EEA1: variants seen among roughly 807,000 people sequenced by gnomAD.
The protein encoded by EEA1 is early endosome antigen 1.
Under a neutral mutation model 209.2 loss-of-function variants are expected in EEA1, and 111 were observed. The ratio of observed to expected loss-of-function variants is 0.53; its 90% CI spans 0.45 to 0.62. The LOEUF is 0.62. EEA1 is among the 20% of genes least tolerant of loss of function. The pLI is 0.00. For missense variants in EEA1, 1,343 were observed against 1,530.8 expected (o/e 0.88, Z 2.05); for synonymous variants, 536 against 540.6 (o/e 0.99, Z 0.12).
chr12:92,904,110 GCA>G (rs1880268743), intron 1 of EEA1, among the ~76,000 whole-genome samples: 1 of 151,890 alleles, frequency 6.6e-6, no homozygotes, highest in Non-Finnish European at 1.5e-5. Context: ...TTACAGGCAT[GCA>G]CCACCACCCC....
intron 1 of EEA1, among the ~76,000 whole-genome samples, chr12:92,911,847 G>T (rs773148638): frequency 1.4e-4 from 22 of 152,158 alleles, no homozygotes; most frequent in Non-Finnish European, 1.2e-4. Flanking sequence ...TCTCAAGAAA[G>T]AGAAAATCAA....
chr12:92,921,866 C>CAAAAAAAAAAAA (rs756583756), intron 1 of EEA1, among the ~76,000 whole-genome samples: 15 of 83,432 alleles, frequency 1.8e-4, no homozygotes, highest in African/African-American at 2.9e-4. Flanking sequence ...GACTCTGTCT[C>CAAAAAAAAAAAA]AAAAAAAAAA....
chr12:92,778,307 A>G, intron 25 of EEA1, 128 bp from the exon 26 acceptor site: 2 of 690,398 alleles, frequency 2.9e-6, no homozygotes, highest in Non-Finnish European at 4.8e-6. Flanking sequence ...AACATATTTC[A>G]TTACACATTA....
At chr12:92,830,144 T>C (rs1480370482) in intron 11 of EEA1, among the ~76,000 whole-genome samples, 1 of 152,152 alleles carries the variant, frequency 6.6e-6, no homozygotes, top group Non-Finnish European at 1.5e-5. Context: ...TTTTACCCCC[T>C]AAATATATTT....
chr12:92,822,608 T>G (rs1266796020), intron 13 of EEA1, among the ~76,000 whole-genome samples: 10 of 152,140 alleles, frequency 6.6e-5, no homozygotes. Context: ...TCATTCTCAC[T>G]CTTCCTTGGG....
intron 21 of EEA1, among the ~76,000 whole-genome samples, chr12:92,790,653 TAC>T (rs1190807883): frequency 1.3e-5 from 2 of 152,244 alleles, no homozygotes; most frequent in Non-Finnish European, 2.9e-5. Flanking sequence ...TTGATTGGTG[TAC>T]CTGAAGGTGA....
At chr12:92,816,114 G>A (rs1297396801) in intron 15 of EEA1, 86 bp downstream of exon 15, 11 of 1,211,204 alleles carry the variant, frequency 9.1e-6, no homozygotes, top group Non-Finnish European at 1.3e-5. Context: ...CAATTAATAT[G>A]CAAGGTAAAA....
Position 92,819,578 on chromosome 12 carries a change from A to T in EEA1, c.1525-67T>A, listed in dbSNP as rs951687109. 2.6e-5 allele frequency: 29 copies of T among 1,105,636 alleles called. No individual in the cohort carries two copies. The African/African-American group carries it at 4.3e-4, about 16-fold the overall frequency. The allele number at this position is 1,105,636 out of a possible 1,614,324, so 68.5% of individuals were successfully genotyped here. ...TAAAAAGTTATTCCTCAAACATAAA[A>T]TGACTAATAATAAATTCTATCACTC... On this transcript the variant is annotated intron_variant, in intron 13 of 28. Coordinates refer to ENST00000322349, the MANE Select transcript of EEA1 (RefSeq NM_003566.4).
chr12:92,929,155 T>C lies in EEA1; in HGVS notation c.-89A>G. The C allele has an allele frequency of 8.5e-7, 1 of 1,182,878 alleles. No individual in the cohort carries two copies. Among genetic ancestry groups the C allele is most frequent in the Non-Finnish European group, 1.2e-6 (1 of 851,522 alleles). 73.3% of individuals were successfully genotyped at this position (1,182,878 alleles called of 1,614,324 possible). ...CTCGGGGTGCGCGGGCGGGAGGGAC[T>C]GGGCCGGGAGGGGACCGGGAAGGAG... On this transcript the variant is annotated 5_prime_UTR_variant, in exon 1 of 29. Coordinates refer to ENST00000322349, the MANE Select transcript of EEA1 (RefSeq NM_003566.4).
intron 10 of EEA1, among the ~76,000 whole-genome samples, chr12:92,834,546 T>TTAA (rs1393207376): frequency 2.7e-5 from 2 of 74,424 alleles, no homozygotes; most frequent in East Asian, 4.3e-4. Context: ...ACCCTGTCAC[T>TTAA]AAAAAAAAAA....
At chr12:92,843,968 T>C (rs146043945) in intron 9 of EEA1, among the ~76,000 whole-genome samples, 1 of 152,286 alleles carries the variant, frequency 6.6e-6, no homozygotes, top group East Asian at 1.9e-4. Flanking sequence ...ACTTATTTTT[T>C]TAAGGGATTC....
chr12:92,781,032 TC>T (rs1286375727), intron 23 of EEA1, among the ~76,000 whole-genome samples: 1 of 152,168 alleles, frequency 6.6e-6, no homozygotes, highest in African/African-American at 2.4e-5. Context: ...CACCTCGGTC[TC>T]CCGAGTAGGT....
chr12:92,902,128 A>G (rs1170057461), intron 1 of EEA1, among the ~76,000 whole-genome samples: 1 of 152,162 alleles, frequency 6.6e-6, no homozygotes, highest in Non-Finnish European at 1.5e-5. Context: ...CAGGAAGTCA[A>G]CGCTGCAGTG....
In EEA1 at chr12:92,819,483, A is replaced by G; in HGVS notation, c.1553T>C (p.Ile518Thr). The G allele has an allele frequency of 1.9e-6, 3 of 1,606,988 alleles. No individual in the cohort carries two copies. Among genetic ancestry groups the G allele is most frequent in the Non-Finnish European group, 2.5e-6 (3 of 1,177,396 alleles). ...CTGGATCTTTTGGTCCTTATCGCCA[A>G]TTTGACGTAGAACTTGTTCCAAATC... ...QNDLEQVLRQIGDKDQKIQNL... is the reference protein window; with the variant it reads ...QNDLEQVLRQTGDKDQKIQNL... The change falls in exon 14 of 29, where the codon ATT (isoleucine) becomes ACT (threonine). Residue 518 changes from isoleucine to threonine, a missense_variant. Ile to Thr is a moderately conservative substitution (Grantham distance 89). Around this residue, in one of 3 missense-constraint regions of EEA1, gnomAD observed 1,307 missense variants for 1,465.5 expected, o/e 0.89. Coordinates refer to ENST00000322349, the MANE Select transcript of EEA1 (RefSeq NM_003566.4).
At chr12:92,852,358 A>G (rs1228237075) in intron 7 of EEA1, 62 bp from the exon 8 acceptor site, 1 of 1,209,120 alleles carries the variant, frequency 8.3e-7, no homozygotes, top group South Asian at 1.7e-5. Context: ...AAGTTTCCAT[A>G]TATTACTCTG....
chr12:92,872,452 G>C (rs1177173584), intron 2 of EEA1, among the ~76,000 whole-genome samples: 1 of 152,190 alleles, frequency 6.6e-6, no homozygotes, highest in Non-Finnish European at 1.5e-5. Flanking sequence ...GTAATTTTTA[G>C]TCTTTACTAT....
At chr12:92,841,185 G>A (rs2136700628) in intron 10 of EEA1, among the ~76,000 whole-genome samples, 1 of 152,196 alleles carries the variant, frequency 6.6e-6, no homozygotes, top group South Asian at 2.1e-4. Flanking sequence ...AATAATTTCT[G>A]ACAAGGGTGC....
intron 21 of EEA1, among the ~76,000 whole-genome samples, chr12:92,795,253 T>C (rs1390533697): frequency 6.6e-6 from 1 of 152,222 alleles, no homozygotes; most frequent in Non-Finnish European, 1.5e-5. Context: ...ATATTGGTCA[T>C]CTGTTTTTAG....
chr12:92,802,118 G>T (rs1456948900), intron 19 of EEA1, among the ~76,000 whole-genome samples: 1 of 151,988 alleles, frequency 6.6e-6, no homozygotes, highest in Non-Finnish European at 1.5e-5. Flanking sequence ...GATAGAAAAT[G>T]TTTTCTCTAA....
Sources: allele counts gnomAD v4.1 joint callset (sites outside exome capture counted in the v4.1 genomes callset), GRCh38; gene constraint gnomAD v4.1.1; regional missense constraint gnomAD v4.1.1; transcripts MANE v1.5; gene names NCBI Gene and HGNC (gene_info 2026-07-23, HGNC 2026-07-21).